FANCB: variants seen among roughly 807,000 people sequenced by gnomAD.
FANCB encodes the protein FA complementation group B.
Under a neutral mutation model 38.9 loss-of-function variants are expected in FANCB, and 5 were observed. The observed-to-expected ratio is 0.13, with a 90% CI of 0.07 to 0.27. The LOEUF (loss-of-function observed/expected upper bound fraction) is 0.27. Among genes scored for constraint, FANCB ranks in the 10% least tolerant of loss-of-function variants. FANCB has a pLI of 1.00. For missense variants in FANCB, 573 were observed against 602.7 expected (o/e 0.95, Z 0.52); for synonymous variants, 236 against 215.4 (o/e 1.10, Z -0.84).
the FANCB span, among the ~76,000 whole-genome samples, chrX:14,830,046 C>T: frequency 9.0e-6 from 1 of 111,685 alleles, no homozygotes; most frequent in Non-Finnish European, 1.9e-5. Context: ...CAAGAGGCCA[C>T]TGTAGGCCTC....
the FANCB span, among the ~76,000 whole-genome samples, chrX:14,799,343 C>A: frequency 1.9e-3 from 211 of 111,864 alleles, no homozygotes; most frequent in Middle Eastern, 9.2e-3. Context: ...CAGACACTGG[C>A]CAGGGTTGAA....
At chrX:14,835,420 G>T, downstream of FANCB, 1 of 338,407 alleles carries the variant, frequency 3.0e-6, no homozygotes. Context: ...CACCTGGGCG[G>T]GTGATTCTTA....
At chrX:14,689,977 C>T in the FANCB span, among the ~76,000 whole-genome samples, 6 of 112,126 alleles carry the variant, frequency 5.4e-5, no homozygotes, top group Admixed American at 5.7e-4. Context: ...TTCTTTTTAA[C>T]CAGATACCTT....
chrX:14,791,191 G>A, the FANCB span, among the ~76,000 whole-genome samples: 1 of 111,819 alleles, frequency 8.9e-6, no homozygotes, highest in Non-Finnish European at 1.9e-5. Context: ...CTCAGAATGT[G>A]ACCATATTTG....
chrX:14,735,380 T>C, the FANCB span, among the ~76,000 whole-genome samples: 1 of 112,004 alleles, frequency 8.9e-6, no homozygotes, highest in African/African-American at 3.2e-5. Context: ...TATCTACCTT[T>C]GGTCTTTGAT....
At chrX:14,726,060 T>C in the FANCB span, among the ~76,000 whole-genome samples, 1 of 112,314 alleles carries the variant, frequency 8.9e-6, no homozygotes, top group South Asian at 3.7e-4. Context: ...ATGGAGAATA[T>C]ATGCCTAAAA....
intron 3 of FANCB, among the ~76,000 whole-genome samples, 180 bp downstream of exon 3, chrX:14,864,379 AC>A (rs2092459527): frequency 9.0e-6 from 1 of 111,654 alleles, no homozygotes; most frequent in East Asian, 2.8e-4. Flanking sequence ...GACAAAAAAA[AC>A]ACCATCAGGT....
chrX:14,871,167 T>C lies in FANCB; in HGVS notation c.-192+1819A>G, dbSNP rs139075946. Among the ~76,000 whole-genome samples the C allele has an allele frequency of 4.4e-3, 494 of 111,046 alleles. 3 individuals are homozygous for C. The highest frequency in any genetic ancestry group is 7.9e-3 in the Non-Finnish European group (420 of 53,069). On this transcript the variant is annotated intron_variant, in intron 1 of 9. Coordinates refer to ENST00000650831, the MANE Select transcript of FANCB (RefSeq NM_001018113.3). ...ACTAAATTAGAGGATTTGGGAAGAT[T>C]ACGCTAAAGAAGATTTTTATGTCAT...
At chrX:14,869,237 A>G (rs771738116) in intron 1 of FANCB, 194 bp from the exon 2 acceptor site, 1 of 111,997 alleles carries the variant, frequency 8.9e-6, no homozygotes, top group Non-Finnish European at 1.9e-5. Flanking sequence ...AGATTTCTTA[A>G]TATCAAAAAC....
At chrX:14,718,400 ATTGAAAGTGTAATAT>A in the FANCB span, among the ~76,000 whole-genome samples, 1 of 112,373 alleles carries the variant, frequency 8.9e-6, no homozygotes, top group African/African-American at 3.2e-5. Context: ...ATAACTAGCT[ATTGAAAGTGTAATAT>A]TTGGCACAAC....
the FANCB span, among the ~76,000 whole-genome samples, chrX:14,735,827 C>T: frequency 9.3e-6 from 1 of 107,003 alleles, no homozygotes; most frequent in African/African-American, 3.4e-5. Context: ...TGCTGAAGTG[C>T]GCCCACAGCC....
the FANCB span, among the ~76,000 whole-genome samples, chrX:14,706,332 T>C: frequency 8.9e-6 from 1 of 112,004 alleles, no homozygotes; most frequent in African/African-American, 3.2e-5. Flanking sequence ...CTCTAGAATA[T>C]ATCGCAGAGA....
the FANCB span, among the ~76,000 whole-genome samples, chrX:14,718,774 T>C: frequency 1.8e-5 from 2 of 111,635 alleles, no homozygotes; most frequent in Non-Finnish European, 3.8e-5. Context: ...TTTTATATGG[T>C]GTCCCAAGAC....
intron 6 of FANCB, among the ~76,000 whole-genome samples, chrX:14,852,070 A>G (rs1308207348): frequency 8.9e-6 from 1 of 111,836 alleles, no homozygotes; most frequent in Non-Finnish European, 1.9e-5. Flanking sequence ...TATGAAATTA[A>G]TGTGCATAAA....
chrX:14,732,132 G>GTGTT, the FANCB span, among the ~76,000 whole-genome samples: 4 of 110,856 alleles, frequency 3.6e-5, no homozygotes, highest in Admixed American at 1.9e-4. Context: ...AGAACATGCG[G>GTGTT]TGTTTGTTTT....
At chrX:14,833,499 G>A (rs976255316), downstream of FANCB, among the ~76,000 whole-genome samples, 1 of 112,004 alleles carries the variant, frequency 8.9e-6, no homozygotes, top group Non-Finnish European at 1.9e-5. Context: ...AGATCTCCAG[G>A]TGATAGTATG....
chrX:14,780,788 T>C, the FANCB span, among the ~76,000 whole-genome samples: 1 of 108,463 alleles, frequency 9.2e-6, no homozygotes, highest in Admixed American at 9.8e-5. Flanking sequence ...TTCTCATGTG[T>C]CACAAAATAT....
At chrX:14,702,750 G>A in the FANCB span, among the ~76,000 whole-genome samples, 1 of 111,154 alleles carries the variant, frequency 9.0e-6, no homozygotes, top group Non-Finnish European at 1.9e-5. Flanking sequence ...AGGGATTGGG[G>A]GCCATATCAA....
chrX:14,751,379 C>T, the FANCB span, among the ~76,000 whole-genome samples: 2 of 112,103 alleles, frequency 1.8e-5, no homozygotes, highest in Non-Finnish European at 3.8e-5. Context: ...GCAGAAGATA[C>T]AACAGAATAC....
Sources: allele counts gnomAD v4.1 joint callset (sites outside exome capture counted in the v4.1 genomes callset), GRCh38; gene constraint gnomAD v4.1.1; transcripts MANE v1.5; gene names NCBI Gene and HGNC (gene_info 2026-07-23, HGNC 2026-07-21).